Variants in EFNA5 observed in about 807,000 individuals in gnomAD.
EFNA5 encodes ephrin A5, also known as ephrin-A5.
Under a neutral mutation model 22.9 loss-of-function variants are expected in EFNA5, and 5 were observed. That is an observed-to-expected ratio of 0.22 (90% CI 0.11 to 0.46). The LOEUF (loss-of-function observed/expected upper bound fraction) is 0.46. Ranked by LOEUF, EFNA5 falls within the 20% of genes least tolerant of loss-of-function variation. The pLI is 0.99. For missense variants in EFNA5, 237 were observed against 293.3 expected, an observed-to-expected ratio of 0.81 and a Z score of 1.40; for synonymous variants, 113 against 112.2, an observed-to-expected ratio of 1.01 and a Z score of -0.04.
intron 2 of EFNA5, among the ~76,000 whole-genome samples, chr5:107,399,877 T>A (rs1748039792): frequency 6.6e-6 from 1 of 152,206 alleles, no homozygotes; most frequent in African/African-American, 2.4e-5. Context: ...GTGGGATAAC[T>A]TTGGCCAACT....
intron 1 of EFNA5, among the ~76,000 whole-genome samples, chr5:107,653,921 C>G (rs1246887726): frequency 6.6e-6 from 1 of 152,084 alleles, no homozygotes; most frequent in African/African-American, 2.4e-5. Context: ...AATGCAAGAG[C>G]TCTAGGTGAA....
chr5:107,591,578 T>G (rs989238224), intron 1 of EFNA5, among the ~76,000 whole-genome samples: 4 of 151,490 alleles, frequency 2.6e-5, no homozygotes, highest in Non-Finnish European at 4.4e-5. Flanking sequence ...TCCCAGCACT[T>G]TGGAATCCCA....
At chr5:107,435,180 A>C (rs1354025752) in intron 1 of EFNA5, among the ~76,000 whole-genome samples, 1 of 152,182 alleles carries the variant, frequency 6.6e-6, no homozygotes, top group Non-Finnish European at 1.5e-5. Flanking sequence ...TTTGGTTTAT[A>C]AATATGTTTT....
chr5:107,625,832 C>CT (rs1377822618), intron 1 of EFNA5, among the ~76,000 whole-genome samples: 1 of 152,164 alleles, frequency 6.6e-6, no homozygotes, highest in African/African-American at 2.4e-5. Flanking sequence ...AAATCCCTGT[C>CT]TTGTTACTAT....
intron 1 of EFNA5, among the ~76,000 whole-genome samples, chr5:107,560,939 G>T (rs1748528804): frequency 6.6e-6 from 1 of 152,138 alleles, no homozygotes; most frequent in Non-Finnish European, 1.5e-5. Flanking sequence ...TTTACATCAG[G>T]TTCTAAAGAC....
intron 2 of EFNA5, among the ~76,000 whole-genome samples, chr5:107,395,034 C>CTTTAGTTCTTTTTTTTTTT (rs1747883567): frequency 2.3e-5 from 2 of 86,142 alleles, no homozygotes; most frequent in Non-Finnish European, 4.4e-5. Context: ...ATTTCTAGTT[C>CTTTAGTTCTTTTTTTTTTT]TTTTTTTTTT....
chr5:107,526,678 A>G lies in EFNA5; in HGVS notation c.126-99169T>C, dbSNP rs111534643. Among the ~76,000 whole-genome samples, 319 of 152,362 alleles carry G rather than the reference A, an allele frequency of 2.1e-3. 1 individual carries two copies. Among genetic ancestry groups the G allele is most frequent in the African/African-American group, 5.5e-3 (227 of 41,594 alleles). ...TTACTTCTGAATGTGAAAGTACATT[A>G]TTTTATTCTAACAACTAAATCAGTA... is the stretch of plus-strand genomic sequence containing the variant. On this transcript the variant is annotated intron_variant, in intron 1 of 4. Coordinates refer to ENST00000333274, the MANE Select transcript of EFNA5 (RefSeq NM_001962.3).
At chr5:107,466,625 C>T (rs1042226195) in intron 1 of EFNA5, among the ~76,000 whole-genome samples, 2 of 152,212 alleles carry the variant, frequency 1.3e-5, no homozygotes, top group Non-Finnish European at 2.9e-5. Flanking sequence ...GCCTTTCTCA[C>T]TTTCTGTCAC....
rs189984504 is a variant in EFNA5 at position 107,668,910 on chromosome 5, G to C, written c.125+1579C>G. Among the ~76,000 whole-genome samples the C allele has an allele frequency of 2.0e-5, 3 of 152,110 alleles. No homozygotes were observed. In the East Asian group the frequency reaches 5.8e-4, roughly 29 times the overall value. ...TAAGTGGCATGTCAAAGAAGAAATC[G>C]CTTCCCATTCCACCACCCACCTCCA... On this transcript the variant is annotated intron_variant, in intron 1 of 4. Coordinates refer to ENST00000333274, the MANE Select transcript of EFNA5 (RefSeq NM_001962.3).
intron 1 of EFNA5, among the ~76,000 whole-genome samples, chr5:107,527,623 G>C (rs1231201539): frequency 6.6e-6 from 1 of 152,120 alleles, no homozygotes; most frequent in African/African-American, 2.4e-5. Context: ...TGGGGTGTGT[G>C]TTAGGGGAAT....
rs1448653959 is a variant in EFNA5 at position 107,486,228 on chromosome 5, C to A, written c.126-58719G>T. Among the ~76,000 whole-genome samples, 5 of 151,922 alleles carry A rather than the reference C, an allele frequency of 3.3e-5. No individual in the cohort carries two copies. The East Asian group carries it at 9.6e-4, about 29-fold the overall frequency. ...TTCCTGAGTGTGTGTGAAAGAGCAC[C>A]CAGGCCCTGCTAGAAAAAAGCCACA... On this transcript the variant is annotated intron_variant, in intron 1 of 4. Coordinates refer to ENST00000333274, the MANE Select transcript of EFNA5 (RefSeq NM_001962.3).
chr5:107,387,849 G>T, intron 2 of EFNA5, 78 bp from the exon 3 acceptor site: 1 of 1,012,692 alleles, frequency 9.9e-7, no homozygotes. Context: ...ACATACAAAT[G>T]ATGAACAATA....
At chr5:107,536,193 A>C (rs538206907) in intron 1 of EFNA5, among the ~76,000 whole-genome samples, 4 of 152,344 alleles carry the variant, frequency 2.6e-5, no homozygotes, top group South Asian at 4.1e-4. Flanking sequence ...CTGCCAGAGA[A>C]GCAGCTAAGT....
intron 1 of EFNA5, among the ~76,000 whole-genome samples, chr5:107,529,336 G>A (rs899174042): frequency 2.6e-5 from 4 of 152,084 alleles, no homozygotes; most frequent in African/African-American, 9.7e-5. Context: ...GTTTGTTAAT[G>A]TCTGTACTAG....
intron 2 of EFNA5, among the ~76,000 whole-genome samples, chr5:107,415,402 A>G (rs1179600808): frequency 7.9e-5 from 12 of 152,142 alleles, no homozygotes; most frequent in Admixed American, 7.2e-4. Flanking sequence ...ATCTGACCCA[A>G]TCTATCCAGT....
chr5:107,640,976 G>GTAGGTAGATAGA (rs1554070884), intron 1 of EFNA5, among the ~76,000 whole-genome samples: 7 of 145,452 alleles, frequency 4.8e-5, no homozygotes, highest in African/African-American at 1.8e-4. Context: ...AGGTAGGCAG[G>GTAGGTAGATAGA]TAGATAGATA....
At chr5:107,627,420 A>C (rs1027504445) in intron 1 of EFNA5, among the ~76,000 whole-genome samples, 1 of 152,186 alleles carries the variant, frequency 6.6e-6, no homozygotes, top group African/African-American at 2.4e-5. Context: ...CATTTACAAC[A>C]CACACCAAAA....
At chr5:107,407,418 C>A (rs577710619) in intron 2 of EFNA5, among the ~76,000 whole-genome samples, 3 of 152,278 alleles carry the variant, frequency 2.0e-5, no homozygotes, top group African/African-American at 7.2e-5. Context: ...TTAATTTATT[C>A]TCTTCGTTTT....
chr5:107,636,437 T>C (rs1750375015), intron 1 of EFNA5, among the ~76,000 whole-genome samples: 3 of 152,228 alleles, frequency 2.0e-5, no homozygotes, highest in African/African-American at 7.2e-5. Flanking sequence ...ACATCCTTTA[T>C]AGATTAATAA....
Sources: gnomAD v4.1 joint callset for allele counts (sites outside exome capture counted in the v4.1 genomes callset) on GRCh38, gnomAD v4.1.1 for gene constraint, MANE v1.5 for transcripts, NCBI Gene and HGNC (gene_info 2026-07-23, HGNC 2026-07-21) for gene names.